The following BAG4 variants were observed in gnomAD, a reference collection of about 807,000 sequenced individuals.
The protein encoded by BAG4 is BAG cochaperone 4, also known as BAG family molecular chaperone regulator 4.
Under a neutral mutation model 52.1 loss-of-function variants are expected in BAG4, and 28 were observed. The ratio of observed to expected loss-of-function variants is 0.54; its 90% CI spans 0.40 to 0.74. BAG4 has a LOEUF of 0.74. BAG4 is among the 30% of genes least tolerant of loss of function. BAG4 has a pLI of 0.00. For synonymous variants in BAG4, 208 were observed against 217.0 expected (o/e 0.96, Z 0.37); for missense variants, 525 against 572.0 (o/e 0.92, Z 0.84).
intron 1 of BAG4, among the ~76,000 whole-genome samples, chr8:38,185,757 G>A (rs907198752): frequency 1.3e-5 from 2 of 152,112 alleles, no homozygotes; most frequent in Non-Finnish European, 2.9e-5. Context: ...TAGAGACAGG[G>A]TTTCACCATG....
chr8:38,209,930 G>A lies in BAG4; in HGVS notation c.889-78G>A, dbSNP rs1803838275. On this transcript the variant is annotated intron_variant, in intron 4 of 4. Transcript: ENST00000287322. ...CATGTACCTTTCTGGTCAAGTGAAAGATGTGGGCTAACAAATTTGATGTTG... is the reference window on the plus strand; with the variant it reads ...CATGTACCTTTCTGGTCAAGTGAAAAATGTGGGCTAACAAATTTGATGTTG... The A allele has an allele frequency of 1.1e-5, 17 of 1,528,376 alleles. No homozygotes were observed. In the South Asian group the frequency reaches 1.9e-4, roughly 17 times the overall value. 94.7% of individuals were successfully genotyped at this position (1,528,376 alleles called of 1,614,324 possible).
At chr8:38,196,638 G>A (rs1018343088) in intron 2 of BAG4, among the ~76,000 whole-genome samples, 4 of 151,728 alleles carry the variant, frequency 2.6e-5, no homozygotes, top group African/African-American at 4.8e-5. Flanking sequence ...GCAACAGAGC[G>A]AGACTCTGTC....
intron 1 of BAG4, among the ~76,000 whole-genome samples, chr8:38,180,522 CAAAAAAAAAAA>C (rs1161178024): frequency 3.8e-5 from 1 of 26,498 alleles, no homozygotes; most frequent in African/African-American, 1.4e-4. Flanking sequence ...GACTCCGTCT[CAAAAAAAAAAA>C]AAAAAAAAAA....
At chr8:38,179,377 G>C (rs1021674110) in intron 1 of BAG4, among the ~76,000 whole-genome samples, 1 of 151,306 alleles carries the variant, frequency 6.6e-6, no homozygotes, top group Admixed American at 6.6e-5. Context: ...GGTTGGTCTT[G>C]AACTCCTGAT....
intron 1 of BAG4, among the ~76,000 whole-genome samples, chr8:38,183,534 G>A (rs1803310475): frequency 1.3e-5 from 2 of 152,144 alleles, no homozygotes; most frequent in African/African-American, 4.8e-5. Context: ...CAGACGGAAA[G>A]CATAAGGACA....
intron 1 of BAG4, 139 bp downstream of exon 1, chr8:38,177,278 A>C: frequency 8.5e-7 from 1 of 1,179,412 alleles, no homozygotes; most frequent in Non-Finnish European, 1.2e-6. Flanking sequence ...CGAGACTAAG[A>C]TCAGAGGTTG....
chr8:38,200,944 G>GAGT (rs1803653139), intron 2 of BAG4, among the ~76,000 whole-genome samples: 1 of 152,204 alleles, frequency 6.6e-6, no homozygotes, highest in South Asian at 2.1e-4. Context: ...TCAGTTTGGA[G>GAGT]AGTAGCATGT....
rs768439295 is a variant in BAG4, at chr8:38,209,250, C to G, written c.871C>G (p.Pro291Ala). 3 of 1,614,172 alleles carry G rather than the reference C, an allele frequency of 1.9e-6. No homozygotes were observed. The highest frequency in any genetic ancestry group is 2.2e-5 in the East Asian group (1 of 44,884). Residue 291 changes from proline (P) to alanine (A), a missense_variant, in exon 4 of 5, where the codon CCA becomes GCA. By Grantham distance (27) the Pro-to-Ala change is conservative (BLOSUM62 -1). Transcript: ENST00000287322. ...SGSPQSPPSP[P>A]VQQPKDSSYP... Reference sequence around the variant, plus strand: ...CTCTCCCCAGTCACCCCCTTCACCCCCAGTCCAGCAGCCCAAGGTAGGAGA... The same window carrying G: ...CTCTCCCCAGTCACCCCCTTCACCCGCAGTCCAGCAGCCCAAGGTAGGAGA...
chr8:38,178,776 A>T (rs1803213745), intron 1 of BAG4, among the ~76,000 whole-genome samples: 2 of 152,154 alleles, frequency 1.3e-5, no homozygotes, highest in Admixed American at 6.6e-5. Context: ...AGAAAGCTTA[A>T]TGGTTGCCAG....
chr8:38,194,862 T>A (rs1310196341), intron 2 of BAG4, among the ~76,000 whole-genome samples: 1 of 133,448 alleles, frequency 7.5e-6, no homozygotes. Context: ...TTTTTTTTTT[T>A]GTTTTTTTTT....
chr8:38,181,360 A>G (rs1803267766), intron 1 of BAG4, among the ~76,000 whole-genome samples: 1 of 150,660 alleles, frequency 6.6e-6, no homozygotes, highest in Non-Finnish European at 1.5e-5. Context: ...CAGGCTCCCA[A>G]GTAGCTGGGA....
chr8:38,208,166 G>A (rs1302465604), intron 3 of BAG4, among the ~76,000 whole-genome samples: 1 of 151,402 alleles, frequency 6.6e-6, no homozygotes, highest in Non-Finnish European at 1.5e-5. Flanking sequence ...TAGTAGAGAT[G>A]GGGTTTCACC....
At chr8:38,177,678 T>G (rs1803188015) in intron 1 of BAG4, among the ~76,000 whole-genome samples, 1 of 152,246 alleles carries the variant, frequency 6.6e-6, no homozygotes, top group South Asian at 2.1e-4. Context: ...GATTGACTGA[T>G]TTAATTTTCA....
intron 1 of BAG4, among the ~76,000 whole-genome samples, chr8:38,191,532 G>A (rs1803473946): frequency 6.6e-6 from 1 of 152,150 alleles, no homozygotes; most frequent in African/African-American, 2.4e-5. Context: ...GCCAAGCCGG[G>A]TGGATCTCCT....
chr8:38,183,477 C>T (rs139670707), intron 1 of BAG4, among the ~76,000 whole-genome samples: 366 of 152,256 alleles, frequency 2.4e-3, no homozygotes, highest in African/African-American at 8.3e-3. Context: ...CAAGGTTATT[C>T]CAGTTTCCCT....
intron 2 of BAG4, among the ~76,000 whole-genome samples, chr8:38,195,939 G>A (rs1428372668): frequency 6.6e-6 from 1 of 152,130 alleles, no homozygotes; most frequent in African/African-American, 2.4e-5. Flanking sequence ...TTGGCAACCT[G>A]TAATCTACTT....
chr8:38,200,972 G>GT (rs1308711800), intron 2 of BAG4, among the ~76,000 whole-genome samples: 1 of 152,142 alleles, frequency 6.6e-6, no homozygotes, highest in Non-Finnish European at 1.5e-5. Flanking sequence ...TATAGTTAAT[G>GT]TAAGAGGGAG....
intron 1 of BAG4, among the ~76,000 whole-genome samples, chr8:38,190,413 A>T (rs745621837): frequency 6.6e-6 from 1 of 152,068 alleles, no homozygotes; most frequent in African/African-American, 2.4e-5. Flanking sequence ...GTGTGTGGTT[A>T]TCAAGTCAGT....
At chr8:38,205,921 CT>C (rs869059707) in intron 2 of BAG4, among the ~76,000 whole-genome samples, 837 of 138,130 alleles carry the variant, frequency 6.1e-3, no homozygotes, top group South Asian at 7.2e-3. Flanking sequence ...TTAAAAATTA[CT>C]TTTTTTTTTT....
Sources: allele counts gnomAD v4.1 joint callset (sites outside exome capture counted in the v4.1 genomes callset), GRCh38; gene constraint gnomAD v4.1.1; transcripts MANE v1.5; gene names NCBI Gene and HGNC (gene_info 2026-07-23, HGNC 2026-07-21).